Variants in PNKD observed in about 807,000 individuals in gnomAD.
PNKD encodes probable thioesterase PNKD.
A neutral mutation model predicts 45.3 loss-of-function variants in PNKD; 36 were observed. The observed-to-expected ratio is 0.80, with a 90% CI of 0.61 to 1.05. The LOEUF is 1.05. Ranked by LOEUF, PNKD falls within the 50% of genes least tolerant of loss-of-function variation. PNKD has a pLI of 0.00. For missense variants in PNKD, 511 were observed against 506.6 expected, an observed-to-expected ratio of 1.01 and a Z score of -0.08; for synonymous variants, 197 against 210.1, an observed-to-expected ratio of 0.94 and a Z score of 0.54.
intron 2 of PNKD, chr2:218,279,068 C>T (rs1460916468): frequency 6.2e-7 from 1 of 1,614,048 alleles, no homozygotes; most frequent in African/African-American, 1.3e-5. Context: ...CACATTTCTC[C>T]TCACAAAGGC....
chr2:218,334,727 A>G, intron 2 of PNKD: 1 of 702,942 alleles, frequency 1.4e-6, no homozygotes, highest in Non-Finnish European at 2.6e-6. Context: ...GCATCATACC[A>G]AGAGGCAAAT....
Position 218,280,167 on chromosome 2 carries a change from C to T in PNKD, c.236+8618C>T, listed in dbSNP as rs1343775804. On this transcript the variant is annotated intron_variant, in intron 2 of 9. Transcript: ENST00000273077. ...ACTTGACTCAGCTGGGGACCTGAGA[C>T]ATGTGGCGTCAATCCCAAAGCCTCC... 5 of 1,433,614 alleles carry T rather than the reference C, an allele frequency of 3.5e-6. No individual in the cohort carries two copies. In the Admixed American group the frequency reaches 8.4e-5, roughly 24 times the overall value. The allele number at this position is 1,433,614 out of a possible 1,614,324, so 88.8% of individuals were successfully genotyped here.
At chr2:218,320,033 G>A (rs73088138) in intron 2 of PNKD, among the ~76,000 whole-genome samples, 5,365 of 152,328 alleles carry the variant, frequency 0.035, 333 homozygotes, top group African/African-American at 0.12. Flanking sequence ...TGGCTGGTCC[G>A]TGGTGACAAG....
intron 2 of PNKD, among the ~76,000 whole-genome samples, chr2:218,287,515 G>A (rs1292667186): frequency 6.6e-6 from 1 of 151,846 alleles, no homozygotes; most frequent in Non-Finnish European, 1.5e-5. Context: ...CAAGACCATC[G>A]TGGCCAACAT....
chr2:218,340,711 C>T lies in PNKD; in HGVS notation c.466-17C>T. 1.2e-6 allele frequency: 2 copies of T among 1,610,968 alleles called. No individual in the cohort carries two copies. Among genetic ancestry groups the T allele is most frequent in the Non-Finnish European group, 1.7e-6 (2 of 1,177,178 alleles). ...TGCATCCTGCTCCCCAGTCTCCAAACCTCCTCTCTCTCGCAGGCTTCCATT... is the reference window on the plus strand; with the variant it reads ...TGCATCCTGCTCCCCAGTCTCCAAATCTCCTCTCTCTCGCAGGCTTCCATT... On this transcript the variant is annotated splice_polypyrimidine_tract_variant and intron_variant, in intron 4 of 9. Transcript: ENST00000273077. The surrounding 1 kb of genome is among the most constrained non-coding windows in gnomAD (Gnocchi z 4.2).
intron 1 of PNKD, 73 bp downstream of exon 1, chr2:218,270,675 C>T (rs768387594): frequency 1.1e-4 from 50 of 463,144 alleles, no homozygotes; most frequent in Middle Eastern, 3.0e-4. Flanking sequence ...CCGACGATAG[C>T]AGGAGGTCAG....
Position 218,337,219 on chromosome 2 carries a change from C to T in PNKD, c.237-2564C>T, listed in dbSNP as rs1284899680. ...CCTCCCAAGTAGCTAGGATTACAGG[C>T]GCCTGCCACCACGCCCAGCTAATTT... On this transcript the variant is annotated intron_variant, in intron 2 of 9. Transcript: ENST00000273077. Among the ~76,000 whole-genome samples, 9 of 151,984 alleles carry T rather than the reference C, an allele frequency of 5.9e-5. No homozygotes were observed. In the East Asian group the frequency reaches 7.7e-4, roughly 13 times the overall value.
chr2:218,299,646 T>G (rs970922598), intron 2 of PNKD, among the ~76,000 whole-genome samples: 3 of 149,928 alleles, frequency 2.0e-5, no homozygotes, highest in African/African-American at 7.4e-5. Flanking sequence ...GAGACAGAGT[T>G]TTGCTCTTGT....
In PNKD at chr2:218,271,842, T is replaced by C. The variant is rs1329092562; in HGVS notation, c.236+293T>C. On this transcript the variant is annotated intron_variant, in intron 2 of 9. Coordinates refer to ENST00000273077, the MANE Select transcript of PNKD (RefSeq NM_015488.5). ...GGAGTGAGACCCAAGTTTAAGTAAG[T>C]AGTTCGTTGAGATCATGTGAGCTTG... is the stretch of plus-strand genomic sequence containing the variant. 2.0e-5 allele frequency among the ~76,000 whole-genome samples: 3 copies of C among 152,174 alleles called. No homozygotes were observed. The South Asian group carries it at 6.2e-4, about 31-fold the overall frequency.
chr2:218,290,705 T>C (rs1393610131), intron 2 of PNKD, among the ~76,000 whole-genome samples: 1 of 152,222 alleles, frequency 6.6e-6, no homozygotes, highest in African/African-American at 2.4e-5. Flanking sequence ...CATTAATATC[T>C]CCCTTCCCAC....
intron 2 of PNKD, among the ~76,000 whole-genome samples, chr2:218,321,623 CTT>C (rs35315674): frequency 4.7e-4 from 44 of 93,844 alleles, no homozygotes; most frequent in Middle Eastern, 7.8e-3. Context: ...GTGAGCTTGA[CTT>C]TTTTTTTTTT....
chr2:218,294,484 GC>G (rs967247317), intron 2 of PNKD, among the ~76,000 whole-genome samples: 13 of 152,106 alleles, frequency 8.5e-5, no homozygotes, highest in Non-Finnish European at 1.9e-4. Context: ...AACAGACACC[GC>G]CCCCCCACCA....
chr2:218,292,424 C>T (rs1264145191), intron 2 of PNKD: 7 of 152,310 alleles, frequency 4.6e-5, no homozygotes, highest in African/African-American at 1.7e-4. Flanking sequence ...GTCCCCACCG[C>T]CCACAGTCCC....
chr2:218,273,485 T>A (rs62867460), intron 2 of PNKD, among the ~76,000 whole-genome samples: 19 of 148,990 alleles, frequency 1.3e-4, no homozygotes, highest in South Asian at 6.4e-4. Flanking sequence ...ACTTATTTTT[T>A]TTTTTTTTTT....
intron 2 of PNKD, among the ~76,000 whole-genome samples, chr2:218,321,813 A>G (rs767361145): frequency 1.3e-5 from 2 of 151,376 alleles, no homozygotes; most frequent in Non-Finnish European, 2.9e-5. Context: ...TTTTTAGTAG[A>G]GATGGGGTTT....
At chr2:218,275,225 G>T in intron 2 of PNKD, 1 of 393,530 alleles carries the variant, frequency 2.5e-6, no homozygotes, top group Non-Finnish European at 4.5e-6. Context: ...GTGGCGGGGA[G>T]AAGACACATC....
rs1391127732 is a variant in PNKD at position 218,313,931 on chromosome 2, G to A, written c.237-25852G>A. The stretch of plus-strand genomic sequence containing the variant: ...TTTTTTTTTTTTTTTTTTTGAGACG[G>A]AGTTTCACTCTTGTTGCTGGAGTTT... On this transcript the variant is annotated intron_variant, in intron 2 of 9. Coordinates refer to ENST00000273077, the MANE Select transcript of PNKD (RefSeq NM_015488.5). Among the ~76,000 whole-genome samples, 83 of 125,510 alleles carry A rather than the reference G, an allele frequency of 6.6e-4. 1 individual carries two copies. Among genetic ancestry groups the A allele is most frequent in the Middle Eastern group, 5.8e-3 (1 of 172 alleles). 82.3% of individuals were successfully genotyped at this position (125,510 alleles called of 152,430 possible). A position where few individuals can be genotyped will look rare whatever the true frequency, so the allele number is the denominator to read the frequency against.
chr2:218,298,094 C>A (rs1398808923), intron 2 of PNKD, among the ~76,000 whole-genome samples: 1 of 151,886 alleles, frequency 6.6e-6, no homozygotes, highest in Non-Finnish European at 1.5e-5. Context: ...AGGTGAAAGG[C>A]AGTGAGAAAG....
intron 2 of PNKD, among the ~76,000 whole-genome samples, chr2:218,308,914 T>C (rs1358225227): frequency 6.6e-6 from 1 of 151,960 alleles, no homozygotes; most frequent in African/African-American, 2.4e-5. Flanking sequence ...CTTTCTCTTT[T>C]TCTCTCTTTC....
Sources: gnomAD v4.1 joint callset for allele counts (sites outside exome capture counted in the v4.1 genomes callset) on GRCh38, gnomAD v4.1.1 for gene constraint, Gnocchi (gnomAD v3.1) non-coding constraint, MANE v1.5 for transcripts, NCBI Gene and HGNC (gene_info 2026-07-23, HGNC 2026-07-21) for gene names.